STPG2: variants seen among roughly 807,000 people sequenced by gnomAD.
STPG2 encodes sperm-tail PG-rich repeat-containing protein 2.
A neutral mutation model predicts 54.2 loss-of-function variants in STPG2; 56 were observed. That is an observed-to-expected ratio of 1.03 (90% CI 0.83 to 1.29). The LOEUF is 1.29. STPG2 is among the 50% of genes most tolerant of loss of function. The pLI, the probability that STPG2 is intolerant of heterozygous loss-of-function variation, is 0.00. For synonymous variants in STPG2, 200 were observed against 181.8 expected (o/e 1.10, Z -0.81); for missense variants, 596 against 544.9 (o/e 1.09, Z -0.93).
chr4:97,808,699 A>G (rs954321082), intron 9 of STPG2, among the ~76,000 whole-genome samples: 3 of 149,440 alleles, frequency 2.0e-5, no homozygotes, highest in Non-Finnish European at 4.5e-5. Flanking sequence ...ACAAAAACCA[A>G]AAAAAAAACC....
intron 4 of STPG2, among the ~76,000 whole-genome samples, chr4:97,451,564 C>T (rs1481801264): frequency 6.6e-6 from 1 of 151,976 alleles, no homozygotes; most frequent in African/African-American, 2.4e-5. Flanking sequence ...ACAGGGATCA[C>T]CTTGTACTTG....
chr4:97,827,639 G>T (rs1354196064), intron 9 of STPG2, among the ~76,000 whole-genome samples: 1 of 152,006 alleles, frequency 6.6e-6, no homozygotes. Flanking sequence ...ACAAGCCGTG[G>T]GTATTCTTAA....
chr4:97,995,464 C>T (rs971591836), intron 5 of STPG2, among the ~76,000 whole-genome samples: 4 of 152,158 alleles, frequency 2.6e-5, no homozygotes, highest in African/African-American at 7.2e-5. Context: ...GCCTCCTATC[C>T]ACCATTTTCC....
At chr4:98,071,746 GGACCTAAACA>G (rs1247779398) in intron 5 of STPG2, among the ~76,000 whole-genome samples, 3 of 152,076 alleles carry the variant, frequency 2.0e-5, no homozygotes, top group African/African-American at 7.2e-5. Context: ...AGTGGGCAAA[GGACCTAAACA>G]GACACTTCTC....
intron 8 of STPG2, among the ~76,000 whole-genome samples, chr4:97,905,010 G>C: frequency 6.6e-6 from 1 of 151,978 alleles, no homozygotes; most frequent in Non-Finnish European, 1.5e-5. Context: ...GGGGAGAATG[G>C]AACCAAGTTG....
chr4:97,663,237 T>A (rs1468768588), intron 10 of STPG2, among the ~76,000 whole-genome samples: 1 of 152,188 alleles, frequency 6.6e-6, no homozygotes, highest in Non-Finnish European at 1.5e-5. Flanking sequence ...ACTATTATCA[T>A]AACTGCTATT....
intron 9 of STPG2, among the ~76,000 whole-genome samples, chr4:97,763,162 T>C (rs369023420): frequency 3.9e-5 from 6 of 152,212 alleles, no homozygotes; most frequent in East Asian, 3.8e-4. Flanking sequence ...TATAATTACC[T>C]GGTGCATAAT....
chr4:97,983,922 T>A (rs972845268), intron 5 of STPG2, among the ~76,000 whole-genome samples: 1 of 152,172 alleles, frequency 6.6e-6, no homozygotes, highest in Non-Finnish European at 1.5e-5. Flanking sequence ...TAAATATATA[T>A]TAAAAATCAT....
chr4:97,897,957 T>C (rs1261767687), intron 8 of STPG2, among the ~76,000 whole-genome samples: 1 of 152,122 alleles, frequency 6.6e-6, no homozygotes, highest in Non-Finnish European at 1.5e-5. Context: ...GCTTTCAGTA[T>C]CTTTGTCATG....
chr4:98,105,753 C>T (rs1350357647), intron 5 of STPG2, among the ~76,000 whole-genome samples, 200 bp downstream of exon 5: 1 of 152,038 alleles, frequency 6.6e-6, no homozygotes, highest in African/African-American at 2.4e-5. Flanking sequence ...ACTTAGGAGT[C>T]ATGAGTTCTT....
At chr4:97,869,331 G>T (rs1023606383) in intron 8 of STPG2, among the ~76,000 whole-genome samples, 5 of 151,376 alleles carry the variant, frequency 3.3e-5, no homozygotes, top group Non-Finnish European at 7.4e-5. Flanking sequence ...AAAAGTTAAA[G>T]GCTCTGTTAA....
At chr4:97,451,996 A>G (rs1729382220) in intron 4 of STPG2, among the ~76,000 whole-genome samples, 1 of 151,826 alleles carries the variant, frequency 6.6e-6, no homozygotes, top group Admixed American at 6.6e-5. Flanking sequence ...GGATCTGGGG[A>G]CAAGCAGGAG....
intron 4 of STPG2, among the ~76,000 whole-genome samples, chr4:97,514,381 A>T (rs1386714890): frequency 6.6e-6 from 1 of 152,072 alleles, no homozygotes; most frequent in Non-Finnish European, 1.5e-5. Flanking sequence ...TCATGTCTAG[A>T]GCACTGAGTT....
At chr4:97,917,785 CT>C (rs974821735) in intron 8 of STPG2, among the ~76,000 whole-genome samples, 3 of 151,812 alleles carry the variant, frequency 2.0e-5, no homozygotes, top group African/African-American at 4.8e-5. Context: ...TCTCTGGACA[CT>C]TTTTTTTAGA....
chr4:97,961,237 A>G (rs1733878102), intron 7 of STPG2, among the ~76,000 whole-genome samples: 1 of 152,196 alleles, frequency 6.6e-6, no homozygotes, highest in South Asian at 2.1e-4. Context: ...ATCTGAAACT[A>G]TAAAAATTCT....
At chr4:97,893,218 A>C (rs1243573073) in intron 8 of STPG2, 1 of 151,916 alleles carries the variant, frequency 6.6e-6, no homozygotes. Context: ...TTCTTCTGGG[A>C]GTAGGAGGAT....
At chr4:97,825,435 T>A (rs1199829284) in intron 9 of STPG2, among the ~76,000 whole-genome samples, 22 of 152,236 alleles carry the variant, frequency 1.4e-4, no homozygotes. Context: ...CTAGAAGTTA[T>A]GGAAATGTCC....
chr4:97,656,523 C>T (rs560007740), intron 10 of STPG2, among the ~76,000 whole-genome samples: 1 of 152,046 alleles, frequency 6.6e-6, no homozygotes, highest in African/African-American at 2.4e-5. Flanking sequence ...CTCAATATCA[C>T]TGAGCATTCC....
At chr4:98,018,338 G>A (rs567554231) in intron 5 of STPG2, among the ~76,000 whole-genome samples, 2,294 of 152,230 alleles carry the variant, frequency 0.015, 51 homozygotes, top group African/African-American at 0.053. Context: ...CCCTACAAAG[G>A]ACATGAACTC....
Sources: allele counts gnomAD v4.1 joint callset (sites outside exome capture counted in the v4.1 genomes callset), GRCh38; gene constraint gnomAD v4.1.1; transcripts MANE v1.5; gene names NCBI Gene and HGNC (gene_info 2026-07-23, HGNC 2026-07-21).